The following BICC1 variants were observed in gnomAD, a reference collection of about 807,000 sequenced individuals.
The protein encoded by BICC1 is protein bicaudal C homolog 1.
Under a neutral mutation model 111.0 loss-of-function variants are expected in BICC1, and 43 were observed. The observed-to-expected ratio is 0.39, with a 90% CI of 0.30 to 0.50. The LOEUF (loss-of-function observed/expected upper bound fraction) is 0.50. Among genes scored for constraint, BICC1 ranks in the 20% least tolerant of loss-of-function variants. The pLI, the probability that BICC1 is intolerant of heterozygous loss-of-function variation, is 0.88. For synonymous variants in BICC1, 467 were observed against 434.4 expected, an observed-to-expected ratio of 1.07 and a Z score of -0.93; for missense variants, 1,091 against 1,203.2, an observed-to-expected ratio of 0.91 and a Z score of 1.38.
chr10:58,559,269 T>C (rs1843540888), intron 1 of BICC1, among the ~76,000 whole-genome samples: 2 of 151,978 alleles, frequency 1.3e-5, no homozygotes. Context: ...TTGTAAAGGA[T>C]TTACAGAACT....
At position 58,731,777 on chromosome 10, in the gene BICC1, T is replaced by A. The variant is rs1358104260; in HGVS notation, c.307+29634T>A. 3.3e-5 allele frequency among the ~76,000 whole-genome samples: 5 copies of A among 151,496 alleles called. No homozygotes were observed. In the East Asian group the frequency reaches 5.9e-4, roughly 18 times the overall value. On this transcript the variant is annotated intron_variant, in intron 3 of 20. Coordinates refer to ENST00000373886, the MANE Select transcript of BICC1 (RefSeq NM_001080512.3). ...TGCTACACACTTTTAAACAATCAGA[T>A]CTCTCAAAAACTCACTCATTGTTGT...
chr10:58,799,052 G>A lies in BICC1; in HGVS notation c.1529-4G>A. On this transcript the variant is annotated splice_polypyrimidine_tract_variant and splice_region_variant and intron_variant, in intron 11 of 20. Coordinates refer to ENST00000373886, the MANE Select transcript of BICC1 (RefSeq NM_001080512.3). ...ATATCTGTCATCATAAAATGTTGTT[G>A]TAGGTTTTTCTGCTATACCACACCT... The A allele has an allele frequency of 1.9e-6, 3 of 1,556,344 alleles. No homozygotes were observed. The highest frequency in any genetic ancestry group is 2.6e-6 in the Non-Finnish European group (3 of 1,142,956).
chr10:58,811,232 C>T (rs1843893491), intron 17 of BICC1, among the ~76,000 whole-genome samples: 1 of 152,102 alleles, frequency 6.6e-6, no homozygotes, highest in Non-Finnish European at 1.5e-5. Context: ...AATAAAGCTA[C>T]AAAGAGGTTT....
chr10:58,743,714 G>A (rs1231809395), intron 3 of BICC1, among the ~76,000 whole-genome samples: 1 of 151,336 alleles, frequency 6.6e-6, no homozygotes, highest in Non-Finnish European at 1.5e-5. Flanking sequence ...ATGCTATAGA[G>A]TCAGGATTTT....
intron 3 of BICC1, among the ~76,000 whole-genome samples, chr10:58,740,078 A>G (rs955404056): frequency 6.6e-6 from 1 of 152,170 alleles, no homozygotes; most frequent in Admixed American, 6.5e-5. Context: ...GTTTCCTTAT[A>G]TGTAAAACAA....
intron 1 of BICC1, among the ~76,000 whole-genome samples, chr10:58,540,609 A>G (rs1056782217): frequency 6.6e-6 from 1 of 152,062 alleles, no homozygotes; most frequent in African/African-American, 2.4e-5. Context: ...AGGAGATTGA[A>G]TCAGCAATCA....
chr10:58,518,041 A>G (rs1842288953), intron 1 of BICC1, among the ~76,000 whole-genome samples: 2 of 152,250 alleles, frequency 1.3e-5, no homozygotes, highest in South Asian at 4.1e-4. Flanking sequence ...TATACTTGTA[A>G]AGGTGGGTGG....
At chr10:58,583,730 G>A (rs548908005) in intron 1 of BICC1, among the ~76,000 whole-genome samples, 40 of 152,076 alleles carry the variant, frequency 2.6e-4, no homozygotes, top group Non-Finnish European at 5.6e-4. Context: ...TTATAAACAT[G>A]TGTGTGAAAG....
At chr10:58,675,402 T>C (rs1022630229) in intron 2 of BICC1, among the ~76,000 whole-genome samples, 6 of 152,042 alleles carry the variant, frequency 3.9e-5, no homozygotes, top group Admixed American at 2.6e-4. Context: ...ATAAAGAAAT[T>C]GTGGTATATA....
intron 3 of BICC1, among the ~76,000 whole-genome samples, chr10:58,746,252 C>G (rs534860720): frequency 6.6e-6 from 1 of 152,196 alleles, no homozygotes; most frequent in South Asian, 2.1e-4. Context: ...CTAACTACAT[C>G]AAATATTACA....
At chr10:58,769,186 A>G (rs890176814) in intron 3 of BICC1, among the ~76,000 whole-genome samples, 1 of 151,786 alleles carries the variant, frequency 6.6e-6, no homozygotes, top group African/African-American at 2.4e-5. Flanking sequence ...TTCATTTATA[A>G]GATGAATAAA....
chr10:58,737,549 C>T (rs1265606455), intron 3 of BICC1, among the ~76,000 whole-genome samples: 1 of 152,152 alleles, frequency 6.6e-6, no homozygotes, highest in Non-Finnish European at 1.5e-5. Flanking sequence ...AATAGTGCCA[C>T]AATAAACATA....
At chr10:58,536,921 A>G (rs1024888215) in intron 1 of BICC1, among the ~76,000 whole-genome samples, 13 of 151,868 alleles carry the variant, frequency 8.6e-5, no homozygotes, top group African/African-American at 2.7e-4. Flanking sequence ...TACTATGAGC[A>G]CCTCTATGCA....
Position 58,702,084 on chromosome 10 carries a change from A to G in BICC1, c.248A>G (p.Glu83Gly). Residue 83 changes from glutamate to glycine, a missense_variant, in exon 3 of 21, where the codon GAA becomes GGA. Glu to Gly is a moderately conservative substitution (Grantham distance 98, BLOSUM62 -2). Transcript: ENST00000373886. ...GEDFFQKIME[E>G]TNTQIAWPSK... ...CAATTTTTGTTACAGATCATGGAGG[A>G]AACAAATACGCAGATTGCTTGGCCA... 6.2e-7 allele frequency: 1 copy of G among 1,612,554 alleles called. No homozygotes were observed. The highest frequency in any genetic ancestry group is 8.5e-7 in the Non-Finnish European group (1 of 1,179,158).
chr10:58,648,496 C>T, intron 2 of BICC1: 3 of 984,700 alleles, frequency 3.0e-6, no homozygotes, highest in Non-Finnish European at 3.6e-6. Flanking sequence ...TGTATGCTGG[C>T]CACTCCACTC....
In BICC1 at chr10:58,690,518, T is replaced by G. The variant is rs558384378; in HGVS notation, c.238-11556T>G. 1.3e-3 allele frequency among the ~76,000 whole-genome samples: 200 copies of G among 152,300 alleles called. 2 individuals are homozygous for G. Among genetic ancestry groups the G allele is most frequent in the Non-Finnish European group, 1.0e-3 (70 of 68,038 alleles). ...ATTTAACATGGGGGAGAAATGAACT[T>G]TTGTTCTGTTCATCCACTGGCATTT... On this transcript the variant is annotated intron_variant, in intron 2 of 20. Coordinates refer to ENST00000373886, the MANE Select transcript of BICC1 (RefSeq NM_001080512.3).
chr10:58,716,480 A>G (rs1454497001), intron 3 of BICC1, among the ~76,000 whole-genome samples: 3 of 152,022 alleles, frequency 2.0e-5, no homozygotes, highest in Admixed American at 6.6e-5. Flanking sequence ...TTGAACATCT[A>G]TTTTTTTCTC....
chr10:58,557,366 G>T (rs1223075769), intron 1 of BICC1, among the ~76,000 whole-genome samples: 4 of 149,114 alleles, frequency 2.7e-5, no homozygotes, highest in Non-Finnish European at 3.0e-5. Flanking sequence ...CATGTGTTCA[G>T]TGGAGTTCAT....
At chr10:58,531,349 G>A (rs1181534321) in intron 1 of BICC1, among the ~76,000 whole-genome samples, 1 of 151,820 alleles carries the variant, frequency 6.6e-6, no homozygotes, top group Non-Finnish European at 1.5e-5. Flanking sequence ...TTGTCTGGTT[G>A]TGAAATTACA....
Sources: allele counts gnomAD v4.1 joint callset (sites outside exome capture counted in the v4.1 genomes callset), GRCh38; gene constraint gnomAD v4.1.1; transcripts MANE v1.5; gene names NCBI Gene and HGNC (gene_info 2026-07-23, HGNC 2026-07-21).